CAPN9: variants seen among roughly 807,000 people sequenced by gnomAD.
The protein encoded by CAPN9 is calpain-9.
A neutral mutation model predicts 92.8 loss-of-function variants in CAPN9; 81 were observed. The observed-to-expected ratio is 0.87, with a 90% CI of 0.73 to 1.05. The LOEUF is 1.05. Ranked by LOEUF, CAPN9 falls within the 50% of genes least tolerant of loss-of-function variation. The pLI, the probability that CAPN9 is intolerant of heterozygous loss-of-function variation, is 0.00. For missense variants in CAPN9, 848 were observed against 866.2 expected, an observed-to-expected ratio of 0.98 and a Z score of 0.26; for synonymous variants, 304 against 328.0, an observed-to-expected ratio of 0.93 and a Z score of 0.79.
chr1:230,789,070 T>C (rs1421424096), intron 13 of CAPN9, among the ~76,000 whole-genome samples: 6 of 152,102 alleles, frequency 3.9e-5, no homozygotes, highest in Non-Finnish European at 7.4e-5. Flanking sequence ...AGTGCTTTCT[T>C]ACCAACACCA....
At chr1:230,763,913 G>T (rs1665800109) in intron 4 of CAPN9, among the ~76,000 whole-genome samples, 1 of 152,346 alleles carries the variant, frequency 6.6e-6, no homozygotes, top group East Asian at 1.9e-4. Flanking sequence ...AGTCCAGTGG[G>T]TGGGACCCAA....
intron 11 of CAPN9, among the ~76,000 whole-genome samples, chr1:230,782,048 T>C (rs1036556547): frequency 6.6e-6 from 1 of 152,210 alleles, no homozygotes; most frequent in Non-Finnish European, 1.5e-5. Flanking sequence ...TCCATGCAGA[T>C]TGACATCTCT....
chr1:230,751,609 G>GAAACAAAGAA (rs1443186653), intron 1 of CAPN9, among the ~76,000 whole-genome samples: 1 of 31,862 alleles, frequency 3.1e-5, no homozygotes, highest in African/African-American at 1.5e-4. Flanking sequence ...AAGAAAGAAA[G>GAAACAAAGAA]AGAAAGAAAG....
At chr1:230,793,115 C>T (rs1279539774) in intron 17 of CAPN9, among the ~76,000 whole-genome samples, 187 bp downstream of exon 17, 5 of 152,232 alleles carry the variant, frequency 3.3e-5, no homozygotes, top group Non-Finnish European at 7.3e-5. Flanking sequence ...CACTTCCTGA[C>T]ACCAGGGCCC....
chr1:230,772,014 G>T lies in CAPN9; in HGVS notation c.790G>T (p.Val264Leu). 1 of 1,613,960 alleles carries T rather than the reference G, an allele frequency of 6.2e-7. No homozygotes were observed. Among genetic ancestry groups the T allele is most frequent in the East Asian group, 2.2e-5 (1 of 44,880 alleles). The change falls in exon 7 of 20, where the codon GTA (valine) becomes TTA (leucine). Residue 264 changes from valine to leucine, a missense_variant and splice_region_variant. By Grantham distance (32) the Val-to-Leu change is conservative. Coordinates refer to ENST00000271971, the MANE Select transcript of CAPN9 (RefSeq NM_006615.3). ...HAYSVTGIDQVSFRGQRIELI... is the reference protein window; with the variant it reads ...HAYSVTGIDQLSFRGQRIELI... ...CTTCCCTCATGCTTTTCCCTTCTAGGTAAGCTTCCGAGGCCAGAGAATCGA... is the reference window on the plus strand; with the variant it reads ...CTTCCCTCATGCTTTTCCCTTCTAGTTAAGCTTCCGAGGCCAGAGAATCGA...
intron 1 of CAPN9, among the ~76,000 whole-genome samples, chr1:230,748,047 C>T (rs1276464262): frequency 6.6e-6 from 1 of 152,198 alleles, no homozygotes; most frequent in Non-Finnish European, 1.5e-5. Flanking sequence ...CAGGCCCCCA[C>T]CCTGTGTGTG....
intron 3 of CAPN9, among the ~76,000 whole-genome samples, chr1:230,762,413 A>G (rs1665702852): frequency 6.6e-6 from 1 of 152,178 alleles, no homozygotes; most frequent in Non-Finnish European, 1.5e-5. Context: ...TGCGGCTTTG[A>G]TGGGTTGACC....
intron 19 of CAPN9, among the ~76,000 whole-genome samples, chr1:230,800,778 C>A (rs1336165746): frequency 6.6e-6 from 1 of 152,194 alleles, no homozygotes. Context: ...CATTGTTTTT[C>A]TTTAATCCCC....
At chr1:230,749,036 G>A (rs1329906647) in intron 1 of CAPN9, among the ~76,000 whole-genome samples, 1 of 152,194 alleles carries the variant, frequency 6.6e-6, no homozygotes. Flanking sequence ...ATGCATAGGC[G>A]TGTATGTGGG....
chr1:230,754,116 A>C (rs1007152897), intron 1 of CAPN9, among the ~76,000 whole-genome samples: 3 of 113,634 alleles, frequency 2.6e-5, no homozygotes, highest in African/African-American at 6.7e-5. Flanking sequence ...AGGCTGGGGG[A>C]GGGGCGGGGC....
At chr1:230,757,463 G>A (rs551578366) in intron 2 of CAPN9, among the ~76,000 whole-genome samples, 1 of 152,236 alleles carries the variant, frequency 6.6e-6, no homozygotes, top group Admixed American at 6.5e-5. Context: ...TACCTTAGTG[G>A]ATGGTTGATT....
intron 6 of CAPN9, 121 bp from the exon 7 acceptor site, chr1:230,771,893 A>C (rs1259821515): frequency 1.3e-6 from 1 of 777,552 alleles, no homozygotes; most frequent in South Asian, 1.6e-5. Flanking sequence ...CATTTTAGGC[A>C]AGAGACTTTC....
At chr1:230,770,876 C>A (rs1049096175) in intron 6 of CAPN9, among the ~76,000 whole-genome samples, 2 of 152,174 alleles carry the variant, frequency 1.3e-5, no homozygotes, top group East Asian at 3.9e-4. Flanking sequence ...GAGTAAAGAA[C>A]ACTGAAGGGA....
At chr1:230,778,379 G>A (rs1666966779) in intron 8 of CAPN9, among the ~76,000 whole-genome samples, 1 of 152,142 alleles carries the variant, frequency 6.6e-6, no homozygotes, top group South Asian at 2.1e-4. Flanking sequence ...CCCAAAATCT[G>A]TTCTCAACAC....
chr1:230,773,988 C>G (rs779686164), intron 7 of CAPN9, among the ~76,000 whole-genome samples: 19 of 152,224 alleles, frequency 1.2e-4, no homozygotes, highest in Non-Finnish European at 2.2e-4. Flanking sequence ...GAGAGTGTTT[C>G]CATGGGCCTA....
chr1:230,780,169 C>T lies in CAPN9; in HGVS notation c.1115-10C>T, dbSNP rs1327673628. Reference sequence around the variant, plus strand: ...AAAGGGGAAAATAATCTACCTCTCCCAAATGACAGATACCTTTTGGACCAA... The same window carrying T: ...AAAGGGGAAAATAATCTACCTCTCCTAAATGACAGATACCTTTTGGACCAA... On this transcript the variant is annotated splice_polypyrimidine_tract_variant and intron_variant, in intron 9 of 19. Transcript: ENST00000271971. The T allele has an allele frequency of 6.2e-7, 1 of 1,609,960 alleles. No homozygotes were observed. The highest frequency in any genetic ancestry group is 1.1e-5 in the South Asian group (1 of 90,376).
intron 11 of CAPN9, among the ~76,000 whole-genome samples, chr1:230,781,616 G>T (rs966120514): frequency 6.6e-6 from 1 of 152,170 alleles, no homozygotes; most frequent in Non-Finnish European, 1.5e-5. Flanking sequence ...GGGAAAAATG[G>T]TTCAAGACAG....
intron 11 of CAPN9, among the ~76,000 whole-genome samples, chr1:230,783,906 C>A (rs1431234414): frequency 6.6e-6 from 1 of 152,170 alleles, no homozygotes; most frequent in African/African-American, 2.4e-5. Flanking sequence ...GTGATATGAA[C>A]AGTGAAGTTC....
At chr1:230,791,010 G>C (rs370719711) in intron 14 of CAPN9, among the ~76,000 whole-genome samples, 4 of 152,178 alleles carry the variant, frequency 2.6e-5, no homozygotes, top group African/African-American at 9.7e-5. Flanking sequence ...TTCTCACATG[G>C]TGTGATGTTT....
Sources: allele counts gnomAD v4.1 joint callset (sites outside exome capture counted in the v4.1 genomes callset), GRCh38; gene constraint gnomAD v4.1.1; transcripts MANE v1.5; gene names NCBI Gene and HGNC (gene_info 2026-07-23, HGNC 2026-07-21).